DCHS2: variants seen among roughly 807,000 people sequenced by gnomAD.
DCHS2 encodes protocadherin-23.
DCHS2 carries 142 observed loss-of-function variants against 182.4 expected under a neutral mutation model. The observed-to-expected ratio is 0.78, with a 90% CI of 0.68 to 0.89. The LOEUF (loss-of-function observed/expected upper bound fraction) is 0.89. DCHS2 is among the 40% of genes least tolerant of loss of function. The pLI, the probability that DCHS2 is intolerant of heterozygous loss-of-function variation, is 0.00. For synonymous variants in DCHS2, 1,740 were observed against 1,663.3 expected, an observed-to-expected ratio of 1.05 and a Z score of -1.12; for missense variants, 4,319 against 4,198.6, an observed-to-expected ratio of 1.03 and a Z score of -0.79.
chr4:154,356,481 G>T (rs928382820), intron 3 of DCHS2, among the ~76,000 whole-genome samples: 2 of 152,114 alleles, frequency 1.3e-5, no homozygotes, highest in Non-Finnish European at 2.9e-5. Flanking sequence ...GTACAGTAAT[G>T]TCCTACATCT....
intron 3 of DCHS2, among the ~76,000 whole-genome samples, chr4:154,362,631 A>G (rs1271888883): frequency 2.0e-5 from 3 of 152,060 alleles, no homozygotes; most frequent in Non-Finnish European, 2.9e-5. Flanking sequence ...GAGTCCACTT[A>G]TACACAGATA....
Position 154,254,802 on chromosome 4 carries a change from A to ACTC in DCHS2, c.6941+714_6941+716dup, listed in dbSNP as rs1428101446. On this transcript the variant is annotated intron_variant, in intron 16 of 19. Transcript: ENST00000357232. ...CAGTGAACTGAGATTGTGCCACTAC[A>ACTC]CTCCAGTCTGGGCGACAGAATAAGA... Among the ~76,000 whole-genome samples, 3 of 151,714 alleles carry ACTC rather than the reference A, an allele frequency of 2.0e-5. No homozygotes were observed. In the East Asian group the frequency reaches 5.8e-4, roughly 29 times the overall value.
In DCHS2 at chr4:154,273,412, T is replaced by A. The variant is rs113401569; in HGVS notation, c.6464-3399A>T. On this transcript the variant is annotated intron_variant, in intron 13 of 19. Coordinates refer to ENST00000357232, the MANE Select transcript of DCHS2 (RefSeq NM_001358235.2). The stretch of plus-strand genomic sequence containing the variant: ...GTATGTGGGAGCTAAGCTAAGAGGA[T>A]GCAAAGGCATAAGAATGATACAATG... Among the ~76,000 whole-genome samples the A allele has an allele frequency of 1.0e-2, 1,518 of 152,100 alleles. 26 individuals carry two copies. Among genetic ancestry groups the A allele is most frequent in the African/African-American group, 0.035 (1,455 of 41,454 alleles).
At chr4:154,403,807 T>C (rs1383432062) in intron 1 of DCHS2, among the ~76,000 whole-genome samples, 1 of 152,198 alleles carries the variant, frequency 6.6e-6, no homozygotes, top group Non-Finnish European at 1.5e-5. Flanking sequence ...GCTATTGTGA[T>C]TTTTCATTTC....
intron 7 of DCHS2, among the ~76,000 whole-genome samples, chr4:154,324,585 G>A (rs576873863): frequency 8.0e-4 from 122 of 152,284 alleles, no homozygotes; most frequent in South Asian, 1.7e-3. Context: ...TTAAATAACA[G>A]ATTTGTATTC....
intron 1 of DCHS2, among the ~76,000 whole-genome samples, chr4:154,381,617 C>G (rs755362256): frequency 2.0e-5 from 3 of 152,022 alleles, no homozygotes; most frequent in African/African-American, 4.8e-5. Flanking sequence ...ATACAAAAAT[C>G]AGTAGCATTC....
chr4:154,441,868 G>T (rs1485069182), intron 1 of DCHS2, among the ~76,000 whole-genome samples: 3 of 152,118 alleles, frequency 2.0e-5, no homozygotes, highest in East Asian at 1.9e-4. Flanking sequence ...GAGGGAAAAA[G>T]ACATAAACCG....
In DCHS2 at chr4:154,240,867, C is replaced by T. The variant is rs775418960; in HGVS notation, c.7073-44G>A. ...GTGTCAGTCTCCATTAAAATTCATCCTTTGAAATACATTTCTTTAGTAGTT... is the reference window on the plus strand; with the variant it reads ...GTGTCAGTCTCCATTAAAATTCATCTTTTGAAATACATTTCTTTAGTAGTT... On this transcript the variant is annotated intron_variant, in intron 17 of 19. Coordinates refer to ENST00000357232, the MANE Select transcript of DCHS2 (RefSeq NM_001358235.2). 4 of 1,597,130 alleles carry T rather than the reference C, an allele frequency of 2.5e-6. No homozygotes were observed. The East Asian group carries it at 9.0e-5, about 36-fold the overall frequency.
chr4:154,327,843 G>A (rs1409594564), intron 7 of DCHS2, among the ~76,000 whole-genome samples: 1 of 152,086 alleles, frequency 6.6e-6, no homozygotes, highest in Non-Finnish European at 1.5e-5. Flanking sequence ...ACTCACTAAA[G>A]ATGAATGGTT....
At chr4:154,426,785 C>A (rs4696567) in intron 1 of DCHS2, among the ~76,000 whole-genome samples, 120,633 of 150,648 alleles carry the variant, frequency 0.8, 51,916 homozygotes, top group Non-Finnish European at 0.95. Flanking sequence ...TAAAAATAAA[C>A]TTAAAAATAA....
chr4:154,461,996 T>A (rs192883402), intron 1 of DCHS2, among the ~76,000 whole-genome samples: 2 of 151,966 alleles, frequency 1.3e-5, no homozygotes, highest in Admixed American at 1.3e-4. Context: ...AAGAGGGAGG[T>A]CATGCTTTTA....
chr4:154,457,079 T>A (rs1219506901), intron 1 of DCHS2, among the ~76,000 whole-genome samples: 1 of 152,196 alleles, frequency 6.6e-6, no homozygotes, highest in Non-Finnish European at 1.5e-5. Context: ...AGCACTTAAA[T>A]GTTTGTTGAC....
intron 1 of DCHS2, among the ~76,000 whole-genome samples, chr4:154,390,514 ACACACACCCACACATG>A (rs1351094038): frequency 2.0e-5 from 3 of 151,926 alleles, no homozygotes; most frequent in African/African-American, 7.2e-5. Flanking sequence ...ACACACACAC[ACACACACCCACACATG>A]CACACACACA....
Position 154,328,155 on chromosome 4 carries a change from G to A in DCHS2, c.3956C>T (p.Thr1319Ile), listed in dbSNP as rs764169168. 6.2e-7 allele frequency: 1 copy of A among 1,608,944 alleles called. No individual in the cohort carries two copies. Among genetic ancestry groups the A allele is most frequent in the South Asian group, 1.1e-5 (1 of 89,734 alleles). Residue 1319 changes from threonine to isoleucine, a missense_variant, in exon 7 of 20, where the codon ACT (threonine) becomes ATT (isoleucine). Transcript: ENST00000357232. ...EGQPVNMLVT[T>I]VFAKDPDEGN... is the part of the protein sequence containing the mutation. ...TTCATCAGGATCCTTTGCAAACACA[G>A]TTGTAACCAACATATTTACTGGTTG...
At chr4:154,463,110 C>G (rs911819128) in intron 1 of DCHS2, among the ~76,000 whole-genome samples, 4 of 150,682 alleles carry the variant, frequency 2.7e-5, no homozygotes, top group African/African-American at 9.8e-5. Flanking sequence ...TATGTACATA[C>G]TTATGTATAT....
At chr4:154,255,463 G>A in intron 16 of DCHS2, 56 bp downstream of exon 16, 4 of 1,555,636 alleles carry the variant, frequency 2.6e-6, no homozygotes, top group South Asian at 1.3e-5. Context: ...AAACAGCAAT[G>A]TTGTCAGTAA....
chr4:154,417,706 G>GA (rs1244213435), intron 1 of DCHS2, among the ~76,000 whole-genome samples: 4 of 152,122 alleles, frequency 2.6e-5, no homozygotes, highest in African/African-American at 7.2e-5. Flanking sequence ...TGGCCAGGGG[G>GA]AAAAAAGTGT....
rs769226248 is a variant in DCHS2 at position 154,234,585 on chromosome 4, A to T, written c.10067T>A (p.Ile3356Asn). 3.1e-6 allele frequency: 5 copies of T among 1,613,746 alleles called. No individual in the cohort carries two copies. The African/African-American group carries it at 6.7e-5, about 22-fold the overall frequency. Reference sequence around the variant, plus strand: ...TTTAAGTTCATGGCATGTACCACTGATGTGTGTTCCTAATAATTCTCCTTC... The same window carrying T: ...TTTAAGTTCATGGCATGTACCACTGTTGTGTGTTCCTAATAATTCTCCTTC... ...LREGELLGTH[I>N]SGTCHELKAE... Residue 3356 changes from isoleucine to asparagine, a missense_variant, in exon 20 of 20, where the codon ATC becomes AAC. Transcript: ENST00000357232.
chr4:154,353,033 T>G (rs925207343), intron 3 of DCHS2, among the ~76,000 whole-genome samples: 1 of 152,166 alleles, frequency 6.6e-6, no homozygotes, highest in Non-Finnish European at 1.5e-5. Context: ...GGCTTGAAAT[T>G]CAGTGATAAA....
Sources: allele counts gnomAD v4.1 joint callset (sites outside exome capture counted in the v4.1 genomes callset), GRCh38; gene constraint gnomAD v4.1.1; transcripts MANE v1.5; gene names NCBI Gene and HGNC (gene_info 2026-07-23, HGNC 2026-07-21).